The following PRKN variants were observed in gnomAD, a reference collection of about 807,000 sequenced individuals.
The protein encoded by PRKN is parkin RBR E3 ubiquitin protein ligase, also known as E3 ubiquitin-protein ligase parkin.
In PRKN, 56 loss-of-function variants were observed where a neutral mutation model predicts 59.5. The observed-to-expected ratio is 0.94, with a 90% CI of 0.76 to 1.18. The LOEUF (loss-of-function observed/expected upper bound fraction) is 1.18. Ranked by LOEUF, PRKN falls within the 50% of genes most tolerant of loss-of-function variation. The pLI is 0.00. For synonymous variants in PRKN, 250 were observed against 222.1 expected, an observed-to-expected ratio of 1.13 and a Z score of -1.12; for missense variants, 657 against 596.4, an observed-to-expected ratio of 1.10 and a Z score of -1.06.
rs1200844897 is a variant in PRKN, at chr6:162,361,394, T to A, written c.171+81916A>T. 3.3e-5 allele frequency among the ~76,000 whole-genome samples: 5 copies of A among 152,164 alleles called. No individual in the cohort carries two copies. In the East Asian group the frequency reaches 9.7e-4, roughly 29 times the overall value. ...AGGTCACAAGCCAGGATTGGAAAGCTTGATAAGATGAAAAAAAAAGAGTGA... is the reference window on the plus strand; with the variant it reads ...AGGTCACAAGCCAGGATTGGAAAGCATGATAAGATGAAAAAAAAAGAGTGA... On this transcript the variant is annotated intron_variant, in intron 2 of 11. Transcript: ENST00000366898.
At chr6:161,722,700 A>G (rs926864464) in intron 7 of PRKN, among the ~76,000 whole-genome samples, 4 of 152,212 alleles carry the variant, frequency 2.6e-5, no homozygotes, top group Non-Finnish European at 5.9e-5. Context: ...GAATGCATTT[A>G]AAAATATTTT....
chr6:162,304,388 T>C (rs116721378), intron 2 of PRKN, among the ~76,000 whole-genome samples: 4,746 of 151,000 alleles, frequency 0.031, 420 homozygotes, highest in African/African-American at 0.11. Context: ...ATTTTAACAC[T>C]GCTGCCTATG....
chr6:161,950,229 G>A (rs889997718), intron 6 of PRKN, among the ~76,000 whole-genome samples: 10 of 152,184 alleles, frequency 6.6e-5, no homozygotes, highest in South Asian at 4.1e-4. Context: ...AAACATGAAT[G>A]GACCCAACCA....
intron 2 of PRKN, among the ~76,000 whole-genome samples, chr6:162,349,668 G>A (rs1784544475): frequency 6.6e-6 from 1 of 152,168 alleles, no homozygotes; most frequent in African/African-American, 2.4e-5. Flanking sequence ...AATGAGAGGT[G>A]ATGCAAAACG....
chr6:162,242,640 T>C (rs1216957230), intron 3 of PRKN, among the ~76,000 whole-genome samples: 1 of 152,158 alleles, frequency 6.6e-6, no homozygotes, highest in Non-Finnish European at 1.5e-5. Flanking sequence ...TAAAGGAAAC[T>C]ACTCACAGCA....
rs187130971 is a variant in PRKN at position 161,866,402 on chromosome 6, T to C, written c.735-80494A>G. ...CATCCTGGCCAACACAGTGAAACCC[T>C]GTCTCTACTAAAAATACAAAAAATT... On this transcript the variant is annotated intron_variant, in intron 6 of 11. Transcript: ENST00000366898. Among the ~76,000 whole-genome samples, 805 of 152,048 alleles carry C rather than the reference T, an allele frequency of 5.3e-3. 7 individuals carry two copies. Among genetic ancestry groups the C allele is most frequent in the Middle Eastern group, 0.014 (4 of 294 alleles).
rs559984081 is a variant in PRKN, at chr6:162,402,556, G to A, written c.171+40754C>T. Among the ~76,000 whole-genome samples, 14 of 151,848 alleles carry A rather than the reference G, an allele frequency of 9.2e-5. No individual in the cohort carries two copies. In the South Asian group the frequency reaches 2.9e-3, roughly 32 times the overall value. Reference sequence around the variant, plus strand: ...CCCAAAAAAGGAAAAGTTAAAATATGTGTGTCCACTCAGCCTCCTTTAACT... The same window carrying A: ...CCCAAAAAAGGAAAAGTTAAAATATATGTGTCCACTCAGCCTCCTTTAACT... On this transcript the variant is annotated intron_variant, in intron 2 of 11. Transcript: ENST00000366898.
chr6:161,505,851 T>C (rs919259553), intron 9 of PRKN, among the ~76,000 whole-genome samples: 9 of 146,104 alleles, frequency 6.2e-5, no homozygotes, highest in African/African-American at 2.3e-4. Flanking sequence ...TGTGGCATTA[T>C]TTCTGAGGGC....
intron 7 of PRKN, among the ~76,000 whole-genome samples, chr6:161,680,783 TTTTTTTTC>T (rs1562604188): frequency 1.8e-5 from 2 of 112,048 alleles, no homozygotes; most frequent in African/African-American, 7.2e-5. Flanking sequence ...ATATTTTTTT[TTTTTTTTC>T]TTTTCCTAAA....
intron 7 of PRKN, among the ~76,000 whole-genome samples, chr6:161,777,781 A>ATATATGTG (rs982895768): frequency 1.4e-5 from 2 of 142,376 alleles, no homozygotes; most frequent in Non-Finnish European, 3.0e-5. Context: ...GTATATATGT[A>ATATATGTG]TATGTATATA....
At chr6:162,155,112 A>AAAC (rs34244325) in intron 4 of PRKN, among the ~76,000 whole-genome samples, 43,504 of 150,662 alleles carry the variant, frequency 0.29, 6,623 homozygotes, top group South Asian at 0.36. Context: ...CTAAAAAAAA[A>AAAC]AACAACAAAA....
chr6:162,063,303 A>C (rs974927612), intron 4 of PRKN, among the ~76,000 whole-genome samples: 10 of 152,238 alleles, frequency 6.6e-5, no homozygotes, highest in Non-Finnish European at 1.5e-4. Context: ...ATATAAGCAA[A>C]AACCTTGAAC....
chr6:161,765,726 G>A (rs955327814), intron 7 of PRKN, among the ~76,000 whole-genome samples: 13 of 152,118 alleles, frequency 8.5e-5, no homozygotes, highest in African/African-American at 2.9e-4. Flanking sequence ...GATGATGATG[G>A]TGGCATTTCA....
Position 161,349,438 on chromosome 6 carries a change from T to C in PRKN, c.*661A>G, listed in dbSNP as rs1319774753. 8.6e-6 allele frequency: 2 copies of C among 231,928 alleles called. No homozygotes were observed. The highest frequency in any genetic ancestry group is 1.2e-4 in the East Asian group (2 of 16,304). The allele number at this position is 231,928 out of a possible 1,614,324, so 14.4% of individuals were successfully genotyped here. On this transcript the variant is annotated 3_prime_UTR_variant, in exon 12 of 12. Transcript: ENST00000366898. The surrounding 1 kb of genome is among the most constrained non-coding windows in gnomAD (Gnocchi z 5.5). The stretch of plus-strand genomic sequence containing the variant: ...TCATAATTTCTCACTTTGTGACAAG[T>C]TGATTTACGCATAGTTGGTATTTCA...
chr6:162,391,334 G>A (rs1436005736), intron 2 of PRKN, among the ~76,000 whole-genome samples: 2 of 150,986 alleles, frequency 1.3e-5, no homozygotes, highest in Admixed American at 6.6e-5. Flanking sequence ...CGTGGATTTC[G>A]AAAATCTGCA....
intron 1 of PRKN, among the ~76,000 whole-genome samples, chr6:162,546,092 T>C (rs1262482402): frequency 6.7e-6 from 1 of 149,770 alleles, no homozygotes; most frequent in Non-Finnish European, 1.5e-5. Context: ...CATGTAAAAG[T>C]GTATGCAGTT....
intron 7 of PRKN, among the ~76,000 whole-genome samples, chr6:161,748,603 C>T (rs1049420844): frequency 6.6e-6 from 1 of 152,154 alleles, no homozygotes; most frequent in African/African-American, 2.4e-5. Context: ...GTAACACTGG[C>T]TTTCTCATCT....
At chr6:162,652,706 G>A (rs966136725) in intron 1 of PRKN, among the ~76,000 whole-genome samples, 16 of 152,100 alleles carry the variant, frequency 1.1e-4, no homozygotes, top group African/African-American at 3.9e-4. Context: ...TTGGGAGGCT[G>A]AGGTGGAAAG....
intron 2 of PRKN, among the ~76,000 whole-genome samples, chr6:162,276,988 A>G (rs1331763056): frequency 6.6e-6 from 1 of 151,544 alleles, no homozygotes; most frequent in African/African-American, 2.4e-5. Flanking sequence ...TACATTAAAG[A>G]AAAAATCCAT....
Sources: gnomAD v4.1 joint callset for allele counts (sites outside exome capture counted in the v4.1 genomes callset) on GRCh38, gnomAD v4.1.1 for gene constraint, Gnocchi (gnomAD v3.1) non-coding constraint, MANE v1.5 for transcripts, NCBI Gene and HGNC (gene_info 2026-07-23, HGNC 2026-07-21) for gene names.